VPS35L: variants seen among roughly 807,000 people sequenced by gnomAD.
VPS35L encodes the protein VPS35 endosomal protein-sorting factor-like.
In VPS35L, 83 loss-of-function variants were observed where a neutral mutation model predicts 133.0. That is an observed-to-expected ratio of 0.62 (90% CI 0.52 to 0.75). VPS35L has a LOEUF of 0.75. Ranked by LOEUF, VPS35L falls within the 30% of genes least tolerant of loss-of-function variation. The pLI, the probability that VPS35L is intolerant of heterozygous loss-of-function variation, is 0.00. For synonymous variants in VPS35L, 423 were observed against 449.9 expected, an observed-to-expected ratio of 0.94 and a Z score of 0.76; for missense variants, 1,083 against 1,206.8, an observed-to-expected ratio of 0.90 and a Z score of 1.52.
At chr16:19,674,034 G>A (rs1413358547) in intron 27 of VPS35L, among the ~76,000 whole-genome samples, 1 of 152,040 alleles carries the variant, frequency 6.6e-6, no homozygotes, top group Admixed American at 6.6e-5. Context: ...AGATGCTACA[G>A]GATGTTTATC....
intron 14 of VPS35L, among the ~76,000 whole-genome samples, chr16:19,619,274 T>C (rs911699050): frequency 1.3e-5 from 2 of 152,138 alleles, no homozygotes; most frequent in Non-Finnish European, 2.9e-5. Flanking sequence ...TATGCACTGC[T>C]TACCTTTTTA....
Position 19,667,551 on chromosome 16 carries a change from C to T in VPS35L, c.2222-1609C>T, listed in dbSNP as rs140601028. Among the ~76,000 whole-genome samples, 447 of 151,962 alleles carry T rather than the reference C, an allele frequency of 2.9e-3. 5 individuals carry two copies. The highest frequency in any genetic ancestry group is 0.01 in the African/African-American group (430 of 41,494). Reference sequence around the variant, plus strand: ...GAGTTTGGGACCAGCTTGGGCAACACGGTGAAACCCCATCTCTACAAAAAA... The same window carrying T: ...GAGTTTGGGACCAGCTTGGGCAACATGGTGAAACCCCATCTCTACAAAAAA... On this transcript the variant is annotated intron_variant, in intron 26 of 30. Transcript: ENST00000417362.
chr16:19,690,753 C>A (rs998667561), intron 28 of VPS35L, among the ~76,000 whole-genome samples: 1 of 152,080 alleles, frequency 6.6e-6, no homozygotes, highest in African/African-American at 2.4e-5. Context: ...GAGTTCGAGA[C>A]CAGCTTGGCC....
At chr16:19,692,585 C>G (rs139991664) in intron 29 of VPS35L, among the ~76,000 whole-genome samples, 1 of 151,816 alleles carries the variant, frequency 6.6e-6, no homozygotes, top group African/African-American at 2.4e-5. Flanking sequence ...TTTTTTGAGA[C>G]GGAGTTTCGC....
At chr16:19,688,724 T>A (rs569842266) in intron 28 of VPS35L, among the ~76,000 whole-genome samples, 2 of 152,286 alleles carry the variant, frequency 1.3e-5, no homozygotes, top group Admixed American at 6.5e-5. Flanking sequence ...CCGGTTATGC[T>A]CGGCCACATA....
In VPS35L at chr16:19,650,419, TGAAAG is replaced by T; in HGVS notation, c.2071_2075del (p.Gly691SerfsTer50). On this transcript the variant is annotated frameshift_variant, in exon 25 of 31. Coordinates refer to ENST00000417362, the MANE Select transcript of VPS35L (RefSeq NM_020314.7). LOFTEE classifies it high-confidence loss of function. ...TTGGCAATGGAGACAAGAAAAGTAA[TGAAAG>T]GAAATCATTCCAGAAAGACAGCTGC... is the stretch of plus-strand genomic sequence containing the variant. 1 of 1,613,838 alleles carries T rather than the reference TGAAAG, an allele frequency of 6.2e-7. No individual in the cohort carries two copies. Among genetic ancestry groups the T allele is most frequent in the Non-Finnish European group, 8.5e-7 (1 of 1,179,766 alleles).
chr16:19,668,389 T>C (rs1389519245), intron 26 of VPS35L, among the ~76,000 whole-genome samples: 1 of 152,156 alleles, frequency 6.6e-6, no homozygotes, highest in East Asian at 1.9e-4. Context: ...CGTCTTCCCC[T>C]CCACCTCCCA....
intron 10 of VPS35L, 59 bp downstream of exon 10, chr16:19,608,333 T>A: frequency 7.9e-7 from 1 of 1,271,704 alleles, no homozygotes; most frequent in Non-Finnish European, 1.1e-6. Context: ...AGAATTGTAC[T>A]GTTAATAGAA....
chr16:19,613,591 T>C (rs561558158), intron 12 of VPS35L, among the ~76,000 whole-genome samples: 16 of 152,320 alleles, frequency 1.1e-4, no homozygotes, highest in Non-Finnish European at 1.9e-4. Context: ...TCCTACCACC[T>C]TAGGAACCTT....
At chr16:19,678,971 A>G (rs912346023) in intron 27 of VPS35L, among the ~76,000 whole-genome samples, 10 of 152,102 alleles carry the variant, frequency 6.6e-5, no homozygotes, top group African/African-American at 2.4e-4. Flanking sequence ...AGTGTGTTGC[A>G]TGGTCTGTCA....
At chr16:19,586,871 T>A (rs1971880951) in intron 7 of VPS35L, among the ~76,000 whole-genome samples, 1 of 152,236 alleles carries the variant, frequency 6.6e-6, no homozygotes, top group Non-Finnish European at 1.5e-5. Context: ...GAGCTACAGT[T>A]GTCTCAGCAA....
chr16:19,691,337 C>A lies in VPS35L; in HGVS notation c.2528-16C>A. 2 of 1,598,424 alleles carry A rather than the reference C, an allele frequency of 1.3e-6. No homozygotes were observed. The highest frequency in any genetic ancestry group is 1.1e-5 in the South Asian group (1 of 90,738). ...CGGGGCTTGGGTCTGTCTCACTGTT[C>A]TTGTTTGTTCAACAGTGGACTCCAA... On this transcript the variant is annotated splice_polypyrimidine_tract_variant and intron_variant, in intron 28 of 30. Coordinates refer to ENST00000417362, the MANE Select transcript of VPS35L (RefSeq NM_020314.7).
intron 7 of VPS35L, among the ~76,000 whole-genome samples, chr16:19,583,934 T>A (rs190204196): frequency 7.2e-5 from 11 of 152,282 alleles, no homozygotes; most frequent in Middle Eastern, 6.8e-3. Flanking sequence ...TCAACTTTCA[T>A]AGCTCCCACA....
chr16:19,693,982 AAGG>A (rs1466924094), intron 29 of VPS35L: 1 of 151,980 alleles, frequency 6.6e-6, no homozygotes, highest in Non-Finnish European at 1.5e-5. Context: ...AAAAAGAAAA[AAGG>A]GGGAATAAAA....
chr16:19,569,160 T>C, intron 2 of VPS35L: 3 of 637,052 alleles, frequency 4.7e-6, no homozygotes, highest in South Asian at 4.5e-5. Flanking sequence ...CCCCAGGTGC[T>C]GTAGCCATCT....
In VPS35L at chr16:19,575,401, A is replaced by G. The variant is rs966019190; in HGVS notation, c.433+279A>G. Among the ~76,000 whole-genome samples the G allele has an allele frequency of 2.0e-5, 3 of 151,878 alleles. No homozygotes were observed. The South Asian group carries it at 6.2e-4, about 32-fold the overall frequency. ...GCCAACATGGTGAAATCTCGTCTCT[A>G]TTAAAAATACAAAAATTTGCTGGGC... On this transcript the variant is annotated intron_variant, in intron 5 of 30. Coordinates refer to ENST00000417362, the MANE Select transcript of VPS35L (RefSeq NM_020314.7).
At chr16:19,587,068 A>C (rs979843702) in intron 7 of VPS35L, among the ~76,000 whole-genome samples, 2 of 151,962 alleles carry the variant, frequency 1.3e-5, no homozygotes, top group African/African-American at 4.8e-5. Context: ...AAGCAGGTAC[A>C]TCTTTCCATA....
chr16:19,631,236 A>G (rs932136070), intron 18 of VPS35L, among the ~76,000 whole-genome samples: 1 of 152,190 alleles, frequency 6.6e-6, no homozygotes, highest in Non-Finnish European at 1.5e-5. Flanking sequence ...AGACTAAGCC[A>G]AGCACACATG....
At chr16:19,656,257 C>CT (rs1338496803) in intron 26 of VPS35L, among the ~76,000 whole-genome samples, 15 of 114,854 alleles carry the variant, frequency 1.3e-4, no homozygotes, top group Admixed American at 6.2e-4. Flanking sequence ...AAGCGAGACT[C>CT]TGTCTCAAAA....
Sources: allele counts gnomAD v4.1 joint callset (sites outside exome capture counted in the v4.1 genomes callset), GRCh38; gene constraint gnomAD v4.1.1; transcripts MANE v1.5; gene names NCBI Gene and HGNC (gene_info 2026-07-23, HGNC 2026-07-21).